ITGA7: variants seen among roughly 807,000 people sequenced by gnomAD.
ITGA7 encodes the protein integrin alpha-7.
Under a neutral mutation model 131.6 loss-of-function variants are expected in ITGA7, and 84 were observed. The ratio of observed to expected loss-of-function variants is 0.64; its 90% CI spans 0.54 to 0.77. The LOEUF is 0.77. ITGA7 is among the 30% of genes least tolerant of loss of function. The pLI, the probability that ITGA7 is intolerant of heterozygous loss-of-function variation, is 0.00. For missense variants in ITGA7, 1,399 were observed against 1,482.9 expected (o/e 0.94, Z 0.93); for synonymous variants, 548 against 600.7 (o/e 0.91, Z 1.28).
chr12:55,693,958 C>A, intron 19 of ITGA7, 63 bp downstream of exon 19: 2 of 1,337,306 alleles, frequency 1.5e-6, no homozygotes, highest in Non-Finnish European at 2.1e-6. Context: ...GGACACAGCT[C>A]AGCCTCTCCT....
rs960597803 is a variant in ITGA7, at chr12:55,696,990, T to A, written c.1646A>T (p.Asn549Ile). 3 of 1,613,998 alleles carry A rather than the reference T, an allele frequency of 1.9e-6. No homozygotes were observed. In the African/African-American group the frequency reaches 4.0e-5, roughly 22 times the overall value. Residue 549 changes from asparagine (N) to isoleucine (I), a missense_variant, in exon 12 of 25, where the codon AAC becomes ATC. Coordinates refer to ENST00000257879, the MANE Select transcript of ITGA7 (RefSeq NM_002206.3). ...QVPRVTFLSR[N>I]LEEPKHQASG... ...GGCCTGGTGCTTGGGTTCTTCCAGG[T>A]TACGGCTCAGGAACGTCACACGGGG...
rs1182276999 is a variant in ITGA7 at position 55,688,237 on chromosome 12, T to C, written c.3022A>G (p.Ile1008Val). The C allele has an allele frequency of 5.0e-6, 8 of 1,614,158 alleles. No individual in the cohort carries two copies. Among genetic ancestry groups the C allele is most frequent in the South Asian group, 3.3e-5 (3 of 91,074 alleles). The change falls in exon 23 of 25, where the codon ATA becomes GTA. Residue 1008 changes from isoleucine (I) to valine (V), a missense_variant. By Grantham distance (29) the Ile-to-Val change is conservative. Coordinates refer to ENST00000257879, the MANE Select transcript of ITGA7 (RefSeq NM_002206.3). Reference sequence around the variant, plus strand: ...GCATCTCGGAGCATCAAGTTCTTTATGGAGGACTTCACTGTGATGTTGGCC... The same window carrying C: ...GCATCTCGGAGCATCAAGTTCTTTACGGAGGACTTCACTGTGATGTTGGCC... ...VRANITVKSS[I>V]KNLMLRDAST...
intron 4 of ITGA7, chr12:55,700,275 G>T: frequency 6.2e-7 from 1 of 1,606,568 alleles, no homozygotes; most frequent in Non-Finnish European, 8.5e-7. Flanking sequence ...AGTAGCTGTT[G>T]GCAGGGACCG....
At chr12:55,713,352 G>A (rs1876273722), upstream of ITGA7, among the ~76,000 whole-genome samples, 1 of 152,142 alleles carries the variant, frequency 6.6e-6, no homozygotes, top group African/African-American at 2.4e-5. Context: ...GCAAGCTAGA[G>A]GGGCATAATG....
intron 24 of ITGA7, among the ~76,000 whole-genome samples, chr12:55,685,560 G>C (rs1242416813): frequency 6.6e-6 from 1 of 152,118 alleles, no homozygotes; most frequent in Admixed American, 6.5e-5. Context: ...GGGCCTTGAG[G>C]GTGGAGCATC....
chr12:55,703,012 C>A, intron 2 of ITGA7, 39 bp downstream of exon 2: 1 of 1,613,920 alleles, frequency 6.2e-7, no homozygotes, highest in Non-Finnish European at 8.5e-7. Context: ...CTCCTCCCCG[C>A]TCACACGCTT....
intron 21 of ITGA7, among the ~76,000 whole-genome samples, chr12:55,690,364 T>G (rs1361773122): frequency 1.3e-5 from 2 of 150,846 alleles, no homozygotes; most frequent in African/African-American, 2.4e-5. Flanking sequence ...AAAAAACACA[T>G]GAAAAAATGC....
chr12:55,697,314 C>A (rs563742727), intron 10 of ITGA7, 37 bp from the exon 11 acceptor site: 1 of 1,585,724 alleles, frequency 6.3e-7, no homozygotes. Context: ...CCAAACGAGG[C>A]TGATGGGCCA....
At chr12:55,716,239 C>G, upstream of ITGA7, 1 of 1,569,084 alleles carries the variant, frequency 6.4e-7, no homozygotes, top group Non-Finnish European at 8.6e-7. Context: ...TCGGCCGCGG[C>G]CTAGCTTCAG....
upstream of ITGA7, chr12:55,707,953 G>A (rs1043869691): frequency 5.9e-5 from 79 of 1,334,118 alleles, no homozygotes; most frequent in South Asian, 1.2e-3. Context: ...CCCCGCCTCC[G>A]GCCCCGCCCC....
intron 24 of ITGA7, among the ~76,000 whole-genome samples, chr12:55,687,312 G>C (rs1041255992): frequency 6.7e-6 from 1 of 150,320 alleles, no homozygotes; most frequent in African/African-American, 2.5e-5. Context: ...CAAGTAGCTG[G>C]GATTACAGGC....
chr12:55,700,059 G>C, intron 4 of ITGA7, 70 bp from the exon 5 acceptor site: 8 of 1,573,454 alleles, frequency 5.1e-6, no homozygotes, highest in Non-Finnish European at 7.0e-6. Flanking sequence ...GGGAGACAGA[G>C]CCACAGAAAG....
chr12:55,698,261 G>A lies in ITGA7; in HGVS notation c.1192+122C>T, dbSNP rs559600146. The A allele has an allele frequency of 4.0e-5, 40 of 989,390 alleles. No individual in the cohort carries two copies. The East Asian group carries it at 8.9e-4, about 22-fold the overall frequency. 61.3% of individuals were successfully genotyped at this position (989,390 alleles called of 1,614,324 possible). A position where few individuals can be genotyped will look rare whatever the true frequency, so the allele number is the denominator to read the frequency against. ...GAAAGCTGGTAAATGGTACAGCTCAGACATAAGCTCAGGGACCCTCTCTCC... is the reference window on the plus strand; with the variant it reads ...GAAAGCTGGTAAATGGTACAGCTCAAACATAAGCTCAGGGACCCTCTCTCC... On this transcript the variant is annotated intron_variant, in intron 7 of 24. Coordinates refer to ENST00000257879, the MANE Select transcript of ITGA7 (RefSeq NM_002206.3).
At chr12:55,715,222 G>C (rs1252232566), upstream of ITGA7, among the ~76,000 whole-genome samples, 2 of 152,044 alleles carry the variant, frequency 1.3e-5, no homozygotes, top group Non-Finnish European at 2.9e-5. Context: ...CTAATGCTTA[G>C]CCAGGGTTGA....
chr12:55,716,400 G>C, upstream of ITGA7: 4 of 1,395,720 alleles, frequency 2.9e-6, no homozygotes, highest in Middle Eastern at 2.6e-4. Flanking sequence ...CAATACTCCG[G>C]TCCCCTCGGC....
At chr12:55,688,449 G>T in intron 22 of ITGA7, 149 bp from the exon 23 acceptor site, 1 of 735,412 alleles carries the variant, frequency 1.4e-6, no homozygotes, top group South Asian at 1.5e-5. Context: ...TTTGGGCTGG[G>T]CACAGTGGCT....
chr12:55,685,226 C>T lies in ITGA7; in HGVS notation c.3246G>A (p.Lys1082=). ...EATVPQYHAV[K]IPREDRQQFK... Reference sequence around the variant, plus strand: ...ACTGCTGTCGGTCTTCCCGAGGAATCTTCACCGCATGGTACTGGGGCACGG... The same window carrying T: ...ACTGCTGTCGGTCTTCCCGAGGAATTTTCACCGCATGGTACTGGGGCACGG... Residue 1082 remains lysine, a synonymous_variant, in exon 25 of 25, where the codon AAG becomes AAA. Coordinates refer to ENST00000257879, the MANE Select transcript of ITGA7 (RefSeq NM_002206.3). The T allele has an allele frequency of 6.2e-7, 1 of 1,614,208 alleles. No individual in the cohort carries two copies. Among genetic ancestry groups the T allele is most frequent in the Non-Finnish European group, 8.5e-7 (1 of 1,180,036 alleles).
chr12:55,695,676 C>T (rs761198268), intron 13 of ITGA7, 39 bp from the exon 14 acceptor site: 8 of 1,449,064 alleles, frequency 5.5e-6, no homozygotes, highest in Middle Eastern at 1.7e-4. Flanking sequence ...TCCTAGGGGG[C>T]AAGGCAGGGG....
intron 14 of ITGA7, 45 bp downstream of exon 14, chr12:55,695,477 G>T: frequency 8.4e-7 from 1 of 1,197,302 alleles, no homozygotes; most frequent in Non-Finnish European, 1.2e-6. Flanking sequence ...CTCAATCCTT[G>T]AACTCTTGCC....
Sources: gnomAD v4.1 joint callset for allele counts (sites outside exome capture counted in the v4.1 genomes callset) on GRCh38, gnomAD v4.1.1 for gene constraint, MANE v1.5 for transcripts, NCBI Gene and HGNC (gene_info 2026-07-23, HGNC 2026-07-21) for gene names.